USP12: variants seen among roughly 807,000 people sequenced by gnomAD.
USP12 encodes ubiquitin carboxyl-terminal hydrolase 12.
A neutral mutation model predicts 45.5 loss-of-function variants in USP12; 19 were observed. The observed-to-expected ratio is 0.42, with a 90% CI of 0.29 to 0.61. The LOEUF (loss-of-function observed/expected upper bound fraction) is 0.61, where lower values mean the gene tolerates loss of function less well. Ranked by LOEUF, USP12 falls within the 20% of genes least tolerant of loss-of-function variation. The pLI is 0.22. For synonymous variants in USP12, 149 were observed against 148.8 expected, an observed-to-expected ratio of 1.00 and a Z score of -0.01; for missense variants, 242 against 447.7, an observed-to-expected ratio of 0.54 and a Z score of 4.15.
intron 6 of USP12, among the ~76,000 whole-genome samples, chr13:27,084,169 TACACACACACAC>T (rs374948699): frequency 0.17 from 24,295 of 142,150 alleles, 2,056 homozygotes; most frequent in Middle Eastern, 0.25. Flanking sequence ...CATGTTTGCA[TACACACACACAC>T]ACACACACAC....
At chr13:27,152,723 A>T (rs1877627987) in intron 1 of USP12, among the ~76,000 whole-genome samples, 1 of 152,006 alleles carries the variant, frequency 6.6e-6, no homozygotes, top group Non-Finnish European at 1.5e-5. Context: ...CGGGTGGATC[A>T]CGAGGTCAGG....
Position 27,113,571 on chromosome 13 carries a change from A to G in USP12, c.129+2945T>C, listed in dbSNP as rs1392068166. ...CCAGAAGTCATCTTTTCATACTCCAATGGACGTCAGTTCCTCACCCTATGT... is the reference window on the plus strand; with the variant it reads ...CCAGAAGTCATCTTTTCATACTCCAGTGGACGTCAGTTCCTCACCCTATGT... On this transcript the variant is annotated intron_variant, in intron 2 of 8. Transcript: ENST00000282344. Among the ~76,000 whole-genome samples the G allele has an allele frequency of 2.6e-5, 4 of 152,190 alleles. No individual in the cohort carries two copies. In the South Asian group the frequency reaches 6.2e-4, roughly 24 times the overall value.
intron 1 of USP12, among the ~76,000 whole-genome samples, chr13:27,135,610 G>A (rs1196363513): frequency 2.0e-5 from 3 of 152,162 alleles, no homozygotes; most frequent in Non-Finnish European, 2.9e-5. Flanking sequence ...AGCTACTAGG[G>A]AGGCTGAGAC....
chr13:27,127,753 TTAAACATC>T (rs1323352577), intron 1 of USP12, among the ~76,000 whole-genome samples: 6 of 152,204 alleles, frequency 3.9e-5, no homozygotes, highest in African/African-American at 1.4e-4. Context: ...ATGTAACATA[TTAAACATC>T]TAAATTTCTC....
At chr13:27,166,597 A>C (rs1878355909) in intron 1 of USP12, among the ~76,000 whole-genome samples, 1 of 152,236 alleles carries the variant, frequency 6.6e-6, no homozygotes, top group African/African-American at 2.4e-5. Context: ...GGAAAGAGAA[A>C]GTCACCAGAA....
chr13:27,165,104 A>G (rs555029877), intron 1 of USP12, among the ~76,000 whole-genome samples: 1 of 152,106 alleles, frequency 6.6e-6, no homozygotes, highest in Non-Finnish European at 1.5e-5. Flanking sequence ...TTTTCTTCTA[A>G]AAGTATTAGA....
intron 1 of USP12, among the ~76,000 whole-genome samples, chr13:27,151,462 A>G (rs1193088225): frequency 6.6e-6 from 1 of 152,194 alleles, no homozygotes; most frequent in East Asian, 1.9e-4. Context: ...ACTAACAAGA[A>G]ACTTGTATCC....
intron 6 of USP12, among the ~76,000 whole-genome samples, chr13:27,085,006 T>C (rs1262729276): frequency 6.6e-6 from 1 of 152,190 alleles, no homozygotes; most frequent in Non-Finnish European, 1.5e-5. Flanking sequence ...TATTAAGTCT[T>C]CCATCCATGA....
At chr13:27,122,967 G>A (rs982778448) in intron 1 of USP12, among the ~76,000 whole-genome samples, 3 of 152,006 alleles carry the variant, frequency 2.0e-5, no homozygotes, top group Middle Eastern at 3.4e-3. Flanking sequence ...GGTGGCAGGC[G>A]CCTAGTCCCA....
chr13:27,101,384 C>G (rs1187156921), intron 3 of USP12, among the ~76,000 whole-genome samples: 2 of 152,174 alleles, frequency 1.3e-5, no homozygotes, highest in Non-Finnish European at 2.9e-5. Context: ...TTCTTCTTTG[C>G]TAAGTAGCAT....
At position 27,071,141 on chromosome 13, in the gene USP12, T is replaced by G; in HGVS notation, c.941A>C (p.Asn314Thr). 1 of 1,603,348 alleles carries G rather than the reference T, an allele frequency of 6.2e-7. No homozygotes were observed. The highest frequency in any genetic ancestry group is 1.1e-5 in the South Asian group (1 of 87,566). Residue 314 changes from asparagine (N) to threonine (T), a missense_variant, in exon 8 of 9, where the codon AAT becomes ACT. By Grantham distance (65) the Asn-to-Thr change is moderately conservative. This residue lies in a region of USP12 where 94 missense variants were observed against 168.3 expected (regional missense o/e 0.56). Coordinates refer to ENST00000282344, the MANE Select transcript of USP12 (RefSeq NM_182488.4). ...AVVVHCGSGPNRGHYIAIVKS... is the reference protein window; with the variant it reads ...AVVVHCGSGPTRGHYIAIVKS... ...AACTATTGCAATATAATGGCCTCGA[T>G]TGGGACCACTAAAACAAACGAAGAA... is the stretch of plus-strand genomic sequence containing the variant.
At chr13:27,147,450 C>T (rs922288710) in intron 1 of USP12, among the ~76,000 whole-genome samples, 1 of 152,088 alleles carries the variant, frequency 6.6e-6, no homozygotes, top group African/African-American at 2.4e-5. Flanking sequence ...AAAGTTGATA[C>T]ATTATAACTG....
intron 6 of USP12, among the ~76,000 whole-genome samples, chr13:27,086,222 G>A (rs1317996455): frequency 1.5e-4 from 12 of 79,712 alleles, no homozygotes; most frequent in South Asian, 4.0e-4. Flanking sequence ...ATATATATGC[G>A]CACATATACA....
chr13:27,071,862 C>T (rs1873258747), intron 7 of USP12, among the ~76,000 whole-genome samples: 1 of 152,044 alleles, frequency 6.6e-6, no homozygotes, highest in Non-Finnish European at 1.5e-5. Flanking sequence ...TTAACCTCTT[C>T]CAGTTTAAGT....
At chr13:27,119,575 A>C (rs1391699636) in intron 1 of USP12, among the ~76,000 whole-genome samples, 1 of 152,246 alleles carries the variant, frequency 6.6e-6, no homozygotes, top group East Asian at 1.9e-4. Context: ...TTCATGGCTA[A>C]AACTATTCAG....
At chr13:27,093,645 A>G (rs1401024198) in intron 4 of USP12, among the ~76,000 whole-genome samples, 1 of 152,236 alleles carries the variant, frequency 6.6e-6, no homozygotes, top group Non-Finnish European at 1.5e-5. Context: ...TACTCTTACC[A>G]TACAATCCAG....
At position 27,129,727 on chromosome 13, in the gene USP12, A is replaced by C. The variant is rs542639014; in HGVS notation, c.49-13131T>G. Among the ~76,000 whole-genome samples, 8 of 152,304 alleles carry C rather than the reference A, an allele frequency of 5.3e-5. No homozygotes were observed. The Middle Eastern group carries it at 0.017, about 324-fold the overall frequency. On this transcript the variant is annotated intron_variant, in intron 1 of 8. Transcript: ENST00000282344. The surrounding 1 kb of genome is among the most constrained non-coding windows in gnomAD (Gnocchi z 4.0). ...GCAAATAAAAATAAATGTATGCATAATTTTTGTGAAGGATGTTAGAGAAAT... is the reference window on the plus strand; with the variant it reads ...GCAAATAAAAATAAATGTATGCATACTTTTTGTGAAGGATGTTAGAGAAAT...
In USP12 at chr13:27,095,736, C is replaced by T. The variant is rs751620255; in HGVS notation, c.438G>A (p.Gln146=). 1 of 1,612,734 alleles carries T rather than the reference C, an allele frequency of 6.2e-7. No homozygotes were observed. Among genetic ancestry groups the T allele is most frequent in the East Asian group, 2.2e-5 (1 of 44,738 alleles). ...IADILQEERK[Q]EKQNGRLPNG... is the part of the protein sequence containing the mutation. The stretch of plus-strand genomic sequence containing the variant: ...TAGGTAAACGACCATTTTGTTTTTC[C>T]TGCTTTCTCTCTTCTTGTAAAATAT... Residue 146 remains glutamine, a synonymous_variant, in exon 4 of 9, where the codon CAG becomes CAA. Coordinates refer to ENST00000282344, the MANE Select transcript of USP12 (RefSeq NM_182488.4).
At chr13:27,106,726 A>C (rs1875158560) in intron 2 of USP12, among the ~76,000 whole-genome samples, 1 of 152,198 alleles carries the variant, frequency 6.6e-6, no homozygotes, top group South Asian at 2.1e-4. Flanking sequence ...AAAATGAGGA[A>C]GGATAAACAA....
Sources: gnomAD v4.1 joint callset for allele counts (sites outside exome capture counted in the v4.1 genomes callset) on GRCh38, gnomAD v4.1.1 for gene constraint, gnomAD v4.1.1 regional missense constraint, Gnocchi (gnomAD v3.1) non-coding constraint, MANE v1.5 for transcripts, NCBI Gene and HGNC (gene_info 2026-07-23, HGNC 2026-07-21) for gene names.